AHI1: variants seen among roughly 807,000 people sequenced by gnomAD.
AHI1 encodes the protein Abelson helper integration site 1.
AHI1 carries 123 observed loss-of-function variants against 149.3 expected under a neutral mutation model. That is an observed-to-expected ratio of 0.82 (90% CI 0.71 to 0.96). AHI1 has a LOEUF of 0.96. Ranked by LOEUF, AHI1 falls within the 40% of genes least tolerant of loss-of-function variation. The pLI, the probability that AHI1 is intolerant of heterozygous loss-of-function variation, is 0.00. For missense variants in AHI1, 1,439 were observed against 1,422.7 expected (o/e 1.01, Z -0.18); for synonymous variants, 475 against 459.8 (o/e 1.03, Z -0.42).
intron 9 of AHI1, among the ~76,000 whole-genome samples, chr6:135,456,203 G>C (rs1001442986): frequency 6.6e-6 from 1 of 152,084 alleles, no homozygotes. Context: ...GCCATATAAA[G>C]CTGGGATAAA....
intron 5 of AHI1, among the ~76,000 whole-genome samples, chr6:135,488,582 AG>A (rs1219955361): frequency 6.6e-6 from 1 of 152,236 alleles, no homozygotes; most frequent in Non-Finnish European, 1.5e-5. Flanking sequence ...GTGCAAAAAA[AG>A]AATCCCAATA....
At chr6:135,292,121 C>A (rs2128340878) in intron 27 of AHI1, among the ~76,000 whole-genome samples, 1 of 152,048 alleles carries the variant, frequency 6.6e-6, no homozygotes, top group South Asian at 2.1e-4. Context: ...CACACACACA[C>A]ACACACACAC....
intron 23 of AHI1, among the ~76,000 whole-genome samples, chr6:135,364,519 A>G (rs1214094356): frequency 2.0e-5 from 3 of 149,530 alleles, no homozygotes; most frequent in Non-Finnish European, 4.4e-5. Context: ...CAATCTCAGC[A>G]CTTTGGGAGG....
At chr6:135,457,956 C>T (rs1469366951) in intron 8 of AHI1, among the ~76,000 whole-genome samples, 1 of 150,690 alleles carries the variant, frequency 6.6e-6, no homozygotes, top group Admixed American at 6.6e-5. Context: ...AGGAGAAACA[C>T]AAAAAGAAAA....
chr6:135,481,815 T>G (rs558668788), intron 5 of AHI1, among the ~76,000 whole-genome samples: 1 of 148,602 alleles, frequency 6.7e-6, no homozygotes, highest in African/African-American at 2.5e-5. Context: ...AGGAGACATA[T>G]CTTGCAAAAA....
chr6:135,469,797 C>T (rs1393545937), intron 5 of AHI1, among the ~76,000 whole-genome samples: 1 of 152,128 alleles, frequency 6.6e-6, no homozygotes, highest in Non-Finnish European at 1.5e-5. Context: ...CTTCCTTATA[C>T]CTTATACAAA....
At chr6:135,367,358 A>G (rs1369533622) in intron 23 of AHI1, among the ~76,000 whole-genome samples, 1 of 152,094 alleles carries the variant, frequency 6.6e-6, no homozygotes, top group Non-Finnish European at 1.5e-5. Flanking sequence ...TTTTGTGATG[A>G]ATTTCCCAGG....
chr6:135,293,925 T>C (rs542866859), intron 27 of AHI1, among the ~76,000 whole-genome samples: 2 of 152,150 alleles, frequency 1.3e-5, no homozygotes, highest in Non-Finnish European at 2.9e-5. Context: ...CCAAACCAAA[T>C]TTGAAAAGGA....
chr6:135,359,722 G>A (rs752369469), intron 23 of AHI1, among the ~76,000 whole-genome samples: 4 of 152,098 alleles, frequency 2.6e-5, no homozygotes, highest in Non-Finnish European at 4.4e-5. Context: ...TCTTACACAC[G>A]TCTTCTCACT....
chr6:135,349,234 C>T (rs370970271), intron 24 of AHI1, among the ~76,000 whole-genome samples: 6 of 152,136 alleles, frequency 3.9e-5, no homozygotes, highest in African/African-American at 1.4e-4. Context: ...GCGATCCTCC[C>T]GCCTCAGCCT....
chr6:135,406,429 C>A (rs991048533), intron 21 of AHI1, among the ~76,000 whole-genome samples: 1 of 152,150 alleles, frequency 6.6e-6, no homozygotes, highest in East Asian at 1.9e-4. Context: ...CTTGTGTGAT[C>A]TTGGTTATGT....
chr6:135,364,075 C>A lies in AHI1; in HGVS notation c.3110-5888G>T, dbSNP rs1164363755. Among the ~76,000 whole-genome samples the A allele has an allele frequency of 2.4e-3, 355 of 149,636 alleles. 4 individuals carry two copies. The highest frequency in any genetic ancestry group is 8.0e-3 in the African/African-American group (327 of 40,684). ...GCGGCTGGCCGGGCGGGGGGCTGAC[C>A]CCCCCACCTCCCTCCCGGACGAGGT... is the stretch of plus-strand genomic sequence containing the variant. On this transcript the variant is annotated intron_variant, in intron 23 of 28. Coordinates refer to ENST00000265602, the MANE Select transcript of AHI1 (RefSeq NM_001134831.2).
At chr6:135,404,888 T>G in intron 22 of AHI1, 63 bp downstream of exon 22, 1 of 1,450,302 alleles carries the variant, frequency 6.9e-7, no homozygotes. Flanking sequence ...AATGGTGCAT[T>G]CCAGTTCTTT....
chr6:135,299,454 C>G (rs1037686395), intron 27 of AHI1, among the ~76,000 whole-genome samples: 4 of 152,098 alleles, frequency 2.6e-5, no homozygotes, highest in African/African-American at 7.2e-5. Context: ...TAAGCAAGCA[C>G]CCAGCAATGT....
rs770522483 is a variant in AHI1 at position 135,323,327 on chromosome 6, AAG to A, written c.3166-5_3166-4del. 1.2e-6 allele frequency: 2 copies of A among 1,612,854 alleles called. No individual in the cohort carries two copies. Among genetic ancestry groups the A allele is most frequent in the Non-Finnish European group, 8.5e-7 (1 of 1,179,374 alleles). ...GTGTAGTCATAAAGAGCCACTACCT[AAG>A]AGAGAGATAAGACCACCACAGCTTT... On this transcript the variant is annotated splice_polypyrimidine_tract_variant and splice_region_variant and intron_variant, in intron 24 of 28. Coordinates refer to ENST00000265602, the MANE Select transcript of AHI1 (RefSeq NM_001134831.2).
At chr6:135,442,475 G>A (rs1786458599) in intron 14 of AHI1, 107 bp downstream of exon 14, 1 of 1,155,394 alleles carries the variant, frequency 8.7e-7, no homozygotes, top group Non-Finnish European at 1.1e-6. Flanking sequence ...CTTTAATTTA[G>A]TAGTACAGGG....
rs1448624453 is a variant in AHI1 at position 135,385,063 on chromosome 6, TG to T, written c.3109+9712del. On this transcript the variant is annotated intron_variant, in intron 23 of 28. Coordinates refer to ENST00000265602, the MANE Select transcript of AHI1 (RefSeq NM_001134831.2). Reference sequence around the variant, plus strand: ...GAGATCGCGCCACTGCACTCCTGCCTGGGCGACAGAGCAAGACACCATCCCC... The same window carrying T: ...GAGATCGCGCCACTGCACTCCTGCCTGGCGACAGAGCAAGACACCATCCCC... 9.2e-5 allele frequency among the ~76,000 whole-genome samples: 14 copies of T among 152,248 alleles called. 1 individual carries two copies. The highest frequency in any genetic ancestry group is 6.5e-5 in the Admixed American group (1 of 15,288).
rs1477566691 is a variant in AHI1 at position 135,304,124 on chromosome 6, C to G, written c.3427-3566G>C. On this transcript the variant is annotated intron_variant, in intron 26 of 28. Transcript: ENST00000265602. The stretch of plus-strand genomic sequence containing the variant: ...TGATCATAGCTCACTATGGCCTTGA[C>G]CTCCTGGGCTCAGGCTAACCTGTGG... 3.3e-5 allele frequency among the ~76,000 whole-genome samples: 5 copies of G among 152,320 alleles called. No individual in the cohort carries two copies. The East Asian group carries it at 9.6e-4, about 29-fold the overall frequency.
chr6:135,454,714 C>A (rs943696434), intron 10 of AHI1, among the ~76,000 whole-genome samples: 3 of 152,160 alleles, frequency 2.0e-5, no homozygotes, highest in Non-Finnish European at 2.9e-5. Context: ...AACAATCTAT[C>A]CTTCTTCATC....
Sources: allele counts gnomAD v4.1 joint callset (sites outside exome capture counted in the v4.1 genomes callset), GRCh38; gene constraint gnomAD v4.1.1; transcripts MANE v1.5; gene names NCBI Gene and HGNC (gene_info 2026-07-23, HGNC 2026-07-21).